Variants in CTNND2 observed in about 807,000 individuals in gnomAD.
The protein encoded by CTNND2 is catenin delta 2, also known as catenin delta-2.
In CTNND2, 22 loss-of-function variants were observed where a neutral mutation model predicts 144.4. That is an observed-to-expected ratio of 0.15 (90% CI 0.11 to 0.22). CTNND2 has a LOEUF of 0.22. CTNND2 is among the 10% of genes least tolerant of loss of function. The pLI is 1.00. For missense variants in CTNND2, 1,353 were observed against 1,618.8 expected (o/e 0.84, Z 2.82); for synonymous variants, 751 against 695.6 (o/e 1.08, Z -1.25).
intron 9 of CTNND2, among the ~76,000 whole-genome samples, chr5:11,243,848 T>G (rs559836221): frequency 1.8e-4 from 27 of 152,318 alleles, no homozygotes; most frequent in African/African-American, 6.5e-4. Flanking sequence ...CCAGGACAAC[T>G]AGAATCCTCA....
At chr5:11,245,741 TC>T (rs2149919788) in intron 9 of CTNND2, among the ~76,000 whole-genome samples, 1 of 152,252 alleles carries the variant, frequency 6.6e-6, no homozygotes, top group East Asian at 1.9e-4. Context: ...GCAGCAGGAA[TC>T]TAACACAGAA....
chr5:11,240,324 C>CACACCCAACACACAT (rs1400341715), intron 9 of CTNND2, among the ~76,000 whole-genome samples: 1 of 121,756 alleles, frequency 8.2e-6, no homozygotes, highest in East Asian at 2.3e-4. Context: ...CCAACACACA[C>CACACCCAACACACAT]ACACCCAACA....
At chr5:11,235,493 G>C (rs1010242531) in intron 10 of CTNND2, among the ~76,000 whole-genome samples, 1 of 152,068 alleles carries the variant, frequency 6.6e-6, no homozygotes, top group Non-Finnish European at 1.5e-5. Flanking sequence ...TTCTTAGATG[G>C]ACAATATTTC....
chr5:11,007,606 C>G (rs914356198), intron 18 of CTNND2, among the ~76,000 whole-genome samples: 1 of 152,266 alleles, frequency 6.6e-6, no homozygotes, highest in African/African-American at 2.4e-5. Context: ...TGAAAACGTA[C>G]AGTTCTCTTT....
intron 1 of CTNND2, among the ~76,000 whole-genome samples, chr5:11,894,142 G>A (rs148205896): frequency 3.8e-4 from 58 of 151,922 alleles, no homozygotes; most frequent in African/African-American, 1.3e-3. Flanking sequence ...GCCAACTATG[G>A]TTCACACTTC....
intron 1 of CTNND2, among the ~76,000 whole-genome samples, chr5:11,791,167 A>G (rs1410406051): frequency 3.9e-5 from 6 of 152,224 alleles, no homozygotes; most frequent in African/African-American, 9.6e-5. Flanking sequence ...CAGAGGGAAC[A>G]TGGCTGTGCC....
chr5:11,077,870 G>T (rs1185627442), intron 16 of CTNND2, among the ~76,000 whole-genome samples: 1 of 152,188 alleles, frequency 6.6e-6, no homozygotes, highest in Non-Finnish European at 1.5e-5. Context: ...GTATGAGGTG[G>T]ATTGCATACG....
rs1739493721 is a variant in CTNND2 at position 11,218,881 on chromosome 5, AG to A, written c.1761+17809del. Reference sequence around the variant, plus strand: ...GGGGATTGCTGGGTCTTTCTGGCAGAGAGGCACTCAGTCAATGTGCACAATT... The same window carrying A: ...GGGGATTGCTGGGTCTTTCTGGCAGAAGGCACTCAGTCAATGTGCACAATT... On this transcript the variant is annotated intron_variant, in intron 10 of 21. Transcript: ENST00000304623. Among the ~76,000 whole-genome samples the A allele has an allele frequency of 2.0e-5, 3 of 152,330 alleles. No individual in the cohort carries two copies. The South Asian group carries it at 6.2e-4, about 32-fold the overall frequency.
chr5:11,596,260 G>A (rs1040128844), intron 2 of CTNND2, among the ~76,000 whole-genome samples: 5 of 152,144 alleles, frequency 3.3e-5, no homozygotes, highest in African/African-American at 7.2e-5. Flanking sequence ...CATTAAGAGT[G>A]GCATTTGTTT....
chr5:11,082,615 C>T (rs890364010), intron 16 of CTNND2, 81 bp downstream of exon 16: 4 of 1,501,210 alleles, frequency 2.7e-6, no homozygotes, highest in Non-Finnish European at 1.8e-6. Flanking sequence ...ATAGGCTATG[C>T]ATACGGGTTC....
chr5:11,581,475 T>C (rs913611550), intron 2 of CTNND2, among the ~76,000 whole-genome samples: 1 of 152,224 alleles, frequency 6.6e-6, no homozygotes, highest in Non-Finnish European at 1.5e-5. Flanking sequence ...TTAAACAGCG[T>C]ATCCAAAGGG....
intron 11 of CTNND2, among the ~76,000 whole-genome samples, chr5:11,162,088 G>T (rs35567691): frequency 0.037 from 5,632 of 151,992 alleles, 148 homozygotes; most frequent in Non-Finnish European, 0.054. Context: ...AGTGGGGGGG[G>T]GTTGCAGTGA....
intron 1 of CTNND2, among the ~76,000 whole-genome samples, chr5:11,790,051 A>T (rs1198792402): frequency 1.3e-5 from 2 of 152,156 alleles, no homozygotes; most frequent in Admixed American, 1.3e-4. Flanking sequence ...ATTTGCAACA[A>T]AACATGCTTT....
At chr5:11,729,443 G>A (rs1787207502) in intron 2 of CTNND2, among the ~76,000 whole-genome samples, 1 of 151,954 alleles carries the variant, frequency 6.6e-6, no homozygotes, top group Non-Finnish European at 1.5e-5. Flanking sequence ...CTAATGTTCT[G>A]AGTTTTTAAA....
chr5:11,882,024 CTA>C (rs1387575769), intron 1 of CTNND2, among the ~76,000 whole-genome samples: 3 of 151,798 alleles, frequency 2.0e-5, no homozygotes, highest in Non-Finnish European at 4.4e-5. Context: ...TTAGATATCT[CTA>C]TGTCTTTTTG....
chr5:11,230,123 A>T (rs1740836381), intron 10 of CTNND2, among the ~76,000 whole-genome samples: 1 of 149,462 alleles, frequency 6.7e-6, no homozygotes, highest in Non-Finnish European at 1.5e-5. Context: ...AAGAACAAAA[A>T]ACCAAACACC....
At chr5:11,353,916 T>C (rs560577296) in intron 8 of CTNND2, among the ~76,000 whole-genome samples, 2 of 152,220 alleles carry the variant, frequency 1.3e-5, no homozygotes, top group Non-Finnish European at 2.9e-5. Flanking sequence ...GGTCAATGAA[T>C]AGAATTTTCC....
intron 17 of CTNND2, among the ~76,000 whole-genome samples, chr5:11,019,970 C>T (rs544392157): frequency 1.3e-5 from 2 of 152,086 alleles, no homozygotes; most frequent in Non-Finnish European, 1.5e-5. Context: ...TTCAAAATGG[C>T]GAGTATAAGA....
At chr5:11,628,342 A>T in intron 2 of CTNND2, among the ~76,000 whole-genome samples, 1 of 152,234 alleles carries the variant, frequency 6.6e-6, no homozygotes, top group East Asian at 1.9e-4. Context: ...CTTCTTCTGC[A>T]TTAGCTTAAG....
Sources: allele counts gnomAD v4.1 joint callset (sites outside exome capture counted in the v4.1 genomes callset), GRCh38; gene constraint gnomAD v4.1.1; transcripts MANE v1.5; gene names NCBI Gene and HGNC (gene_info 2026-07-23, HGNC 2026-07-21).